CSMD2: variants seen among roughly 807,000 people sequenced by gnomAD.
The protein encoded by CSMD2 is CUB and Sushi multiple domains 2, also known as CUB and sushi domain-containing protein 2.
CSMD2 carries 130 observed loss-of-function variants against 398.5 expected under a neutral mutation model. The ratio of observed to expected loss-of-function variants is 0.33; its 90% confidence interval spans 0.28 to 0.38. The LOEUF (loss-of-function observed/expected upper bound fraction) is 0.38. CSMD2 is among the 10% of genes least tolerant of loss of function. The pLI, the probability that CSMD2 is intolerant of heterozygous loss-of-function variation, is 1.00. For synonymous variants in CSMD2, 1,828 were observed against 1,908.5 expected (o/e 0.96, Z 1.10); for missense variants, 3,829 against 4,764.9 (o/e 0.80, Z 5.78).
At chr1:33,530,706 T>G (rs1655157481) in intron 64 of CSMD2, among the ~76,000 whole-genome samples, 1 of 152,072 alleles carries the variant, frequency 6.6e-6, no homozygotes, top group African/African-American at 2.4e-5. Flanking sequence ...TGTCCATCAG[T>G]GGATGAATGG....
chr1:33,731,559 C>T (rs1030834408), intron 15 of CSMD2, among the ~76,000 whole-genome samples: 4 of 152,118 alleles, frequency 2.6e-5, no homozygotes, highest in African/African-American at 7.2e-5. Flanking sequence ...GGCAAAATTC[C>T]GAATGCAGGA....
In CSMD2 at chr1:33,636,711, C is replaced by T. The variant is rs1186935601; in HGVS notation, c.4775-157G>A. 6.6e-6 allele frequency among the ~76,000 whole-genome samples: 1 copy of T among 152,094 alleles called. No individual in the cohort carries two copies. The highest frequency in any genetic ancestry group is 1.5e-5 in the Non-Finnish European group (1 of 68,024). ...CTCCTATTCCCCTCAGGTCTAGAAACGTCTCTAAATTTGGGTAGAAATTGA... is the reference window on the plus strand; with the variant it reads ...CTCCTATTCCCCTCAGGTCTAGAAATGTCTCTAAATTTGGGTAGAAATTGA... On this transcript the variant is annotated intron_variant, in intron 29 of 70. Coordinates refer to ENST00000373381, the MANE Select transcript of CSMD2 (RefSeq NM_001281956.2). This position sits in a 1 kb window ranked among gnomAD's most constrained non-coding sequence, Gnocchi z 4.8.
chr1:33,636,007 T>G lies in CSMD2; in HGVS notation c.4969+353A>C, dbSNP rs1642778477. On this transcript the variant is annotated intron_variant, in intron 30 of 70. Coordinates refer to ENST00000373381, the MANE Select transcript of CSMD2 (RefSeq NM_001281956.2). The surrounding 1 kb of genome is among the most constrained non-coding windows in gnomAD (Gnocchi z 4.8). ...GGGCCTTACTTCAACATATCTGATCTCTCAGTGATTTTCCCTAGGCCTAGG... is the reference window on the plus strand; with the variant it reads ...GGGCCTTACTTCAACATATCTGATCGCTCAGTGATTTTCCCTAGGCCTAGG... 6.6e-6 allele frequency among the ~76,000 whole-genome samples: 1 copy of G among 152,076 alleles called. No homozygotes were observed.
chr1:33,564,059 T>C (rs927857052), intron 53 of CSMD2, among the ~76,000 whole-genome samples: 16 of 150,008 alleles, frequency 1.1e-4, no homozygotes, highest in Non-Finnish European at 2.4e-4. Flanking sequence ...GCAGCATTAC[T>C]ACCACCACTA....
chr1:33,993,360 C>T (rs1646624321), intron 3 of CSMD2, among the ~76,000 whole-genome samples: 1 of 152,116 alleles, frequency 6.6e-6, no homozygotes, highest in Non-Finnish European at 1.5e-5. Context: ...CACACTGGCT[C>T]CCTCCCTCAC....
rs753161949 is a variant in CSMD2 at position 33,743,549 on chromosome 1, G to A, written c.1904C>T (p.Pro635Leu). Residue 635 changes from proline to leucine, a missense_variant, in exon 14 of 71, where the codon CCA becomes CTA. Physicochemically the swap from Pro to Leu is moderately conservative, Grantham distance 98. Around this residue, in one of 5 missense-constraint regions of CSMD2, gnomAD observed 2,001 missense variants for 2,567.1 expected, o/e 0.78. Coordinates refer to ENST00000373381, the MANE Select transcript of CSMD2 (RefSeq NM_001281956.2). ...PSGVVLSPNY[P>L]EDYGNHLHCV... ...GTGGAGGTGGTTGCCATAGTCCTCT[G>A]GGTAGTTGGGAGACAGGACAACCCC... 5.0e-6 allele frequency: 8 copies of A among 1,613,254 alleles called. No individual in the cohort carries two copies. The highest frequency in any genetic ancestry group is 6.8e-6 in the Non-Finnish European group (8 of 1,179,512).
chr1:33,576,765 A>G (rs1638268089), intron 49 of CSMD2, among the ~76,000 whole-genome samples: 1 of 150,558 alleles, frequency 6.6e-6, no homozygotes, highest in Non-Finnish European at 1.5e-5. Flanking sequence ...TCTCAGGTTT[A>G]TTGTTCATTT....
intron 5 of CSMD2, among the ~76,000 whole-genome samples, chr1:33,897,023 C>T (rs1179086750): frequency 6.6e-6 from 1 of 151,632 alleles, no homozygotes; most frequent in East Asian, 1.9e-4. Flanking sequence ...GGCAGGGTTA[C>T]AGGGGGCAAG....
chr1:33,829,968 C>T (rs1659317018), intron 6 of CSMD2, among the ~76,000 whole-genome samples: 1 of 152,258 alleles, frequency 6.6e-6, no homozygotes, highest in African/African-American at 2.4e-5. Flanking sequence ...GGGCGCCCGC[C>T]ATTGCCCAGG....
At chr1:34,152,954 A>G (rs1640464980) in intron 1 of CSMD2, among the ~76,000 whole-genome samples, 1 of 152,122 alleles carries the variant, frequency 6.6e-6, no homozygotes, top group Non-Finnish European at 1.5e-5. Flanking sequence ...TGTGCTAAAT[A>G]CCTCACACAT....
chr1:33,941,862 TTA>T (rs1553258203), intron 3 of CSMD2, among the ~76,000 whole-genome samples: 1 of 151,846 alleles, frequency 6.6e-6, no homozygotes, highest in Non-Finnish European at 1.5e-5. Context: ...ATTATACATT[TTA>T]TATATGTCAT....
At chr1:33,605,545 G>T in intron 41 of CSMD2, 75 bp from the exon 42 acceptor site, 1 of 1,454,376 alleles carries the variant, frequency 6.9e-7, no homozygotes, top group South Asian at 1.2e-5. Flanking sequence ...GCATAGTGGT[G>T]AAGCCTCAAG....
intron 3 of CSMD2, among the ~76,000 whole-genome samples, chr1:33,996,516 A>T (rs1481566842): frequency 6.6e-6 from 1 of 152,188 alleles, no homozygotes; most frequent in Admixed American, 6.5e-5. Context: ...TGGGCAGACA[A>T]GAGGACTGAG....
At chr1:33,615,423 G>GC (rs1290083658) in intron 39 of CSMD2, among the ~76,000 whole-genome samples, 1 of 152,214 alleles carries the variant, frequency 6.6e-6, no homozygotes, top group Non-Finnish European at 1.5e-5. Context: ...CCAGGCAAGT[G>GC]CTTTCTGGGG....
intron 1 of CSMD2, among the ~76,000 whole-genome samples, chr1:34,102,738 G>A (rs1174084883): frequency 2.0e-5 from 3 of 152,100 alleles, no homozygotes. Context: ...CCCAGAAAAT[G>A]TTTCCCCAGT....
At chr1:34,124,057 A>G (rs1662488549) in intron 1 of CSMD2, among the ~76,000 whole-genome samples, 1 of 152,228 alleles carries the variant, frequency 6.6e-6, no homozygotes, top group South Asian at 2.1e-4. Flanking sequence ...CAAAGGCAAA[A>G]TAATCTTCCA....
rs141047206 is a variant in CSMD2, at chr1:33,690,997, G to A, written c.4052+1933C>T. ...CCCCGCAAGAGAGGGGGTGAGGGAT[G>A]ACCTCCCGGGTGAGCTGACATTTGC... is the stretch of plus-strand genomic sequence containing the variant. On this transcript the variant is annotated intron_variant, in intron 25 of 70. Coordinates refer to ENST00000373381, the MANE Select transcript of CSMD2 (RefSeq NM_001281956.2). 2.8e-3 allele frequency among the ~76,000 whole-genome samples: 424 copies of A among 152,338 alleles called. 3 individuals are homozygous for A. The highest frequency in any genetic ancestry group is 9.3e-3 in the African/African-American group (385 of 41,574).
intron 19 of CSMD2, among the ~76,000 whole-genome samples, chr1:33,723,054 G>A (rs776463737): frequency 6.6e-6 from 1 of 152,158 alleles, no homozygotes; most frequent in Non-Finnish European, 1.5e-5. Context: ...ACACAGGCAT[G>A]TGTGTGCACA....
intron 3 of CSMD2, among the ~76,000 whole-genome samples, chr1:34,010,522 C>T (rs1308265697): frequency 6.6e-6 from 1 of 152,186 alleles, no homozygotes; most frequent in African/African-American, 2.4e-5. Context: ...CAGTGACTGG[C>T]CCGAGGTCAC....
Sources: gnomAD v4.1 joint callset for allele counts (sites outside exome capture counted in the v4.1 genomes callset) on GRCh38, gnomAD v4.1.1 for gene constraint, gnomAD v4.1.1 regional missense constraint, Gnocchi (gnomAD v3.1) non-coding constraint, MANE v1.5 for transcripts, NCBI Gene and HGNC (gene_info 2026-07-23, HGNC 2026-07-21) for gene names.